The following EPHB2 variants were observed in gnomAD, a reference collection of about 807,000 sequenced individuals.
EPHB2 encodes ephrin type-B receptor 2.
EPHB2 carries 18 observed loss-of-function variants against 96.4 expected under a neutral mutation model. The observed-to-expected ratio is 0.19, with a 90% CI of 0.13 to 0.28. The LOEUF is 0.28. Ranked by LOEUF, EPHB2 falls within the 10% of genes least tolerant of loss-of-function variation. EPHB2 has a pLI of 1.00. For missense variants in EPHB2, 989 were observed against 1,355.4 expected (o/e 0.73, Z 4.25); for synonymous variants, 506 against 534.1 (o/e 0.95, Z 0.72).
chr1:22,844,194 C>G (rs1645508641), intron 3 of EPHB2, among the ~76,000 whole-genome samples: 3 of 152,222 alleles, frequency 2.0e-5, no homozygotes. Context: ...AATGGTACAT[C>G]TGTTTTAAGC....
In EPHB2 at chr1:22,906,877, G is replaced by A; in HGVS notation, c.2056G>A (p.Glu686Lys). The change falls in exon 11 of 16, where the codon GAG becomes AAG. Residue 686 changes from glutamate to lysine, a missense_variant. Coordinates refer to ENST00000374630, the MANE Select transcript of EPHB2 (RefSeq NM_017449.5). The surrounding 1 kb of genome is among the most constrained non-coding windows in gnomAD (Gnocchi z 4.8). ...QFDHPNVIHLEGVVTKSTPVM... is the reference protein window; with the variant it reads ...QFDHPNVIHLKGVVTKSTPVM... ...CGACCATCCCAACGTCATCCACCTG[G>A]AGGGTGTCGTGACCAAGAGCACACC... is the stretch of plus-strand genomic sequence containing the variant. 6.2e-7 allele frequency: 1 copy of A among 1,614,224 alleles called. No homozygotes were observed. Among genetic ancestry groups the A allele is most frequent in the Non-Finnish European group, 8.5e-7 (1 of 1,180,042 alleles).
intron 1 of EPHB2, among the ~76,000 whole-genome samples, chr1:22,740,030 G>T (rs1235760557): frequency 6.6e-6 from 1 of 152,208 alleles, no homozygotes; most frequent in Non-Finnish European, 1.5e-5. Context: ...GAGGCAGGGA[G>T]GCCTGGTGAG....
chr1:22,884,446 C>A (rs1024096453), intron 6 of EPHB2, among the ~76,000 whole-genome samples: 1 of 151,978 alleles, frequency 6.6e-6, no homozygotes, highest in East Asian at 1.9e-4. Context: ...ATGGTGAAAC[C>A]CCATCTCTAC....
rs1371642630 is a variant in EPHB2, at chr1:22,875,662, C to T, written c.1304-6697C>T. Among the ~76,000 whole-genome samples the T allele has an allele frequency of 6.6e-6, 1 of 152,152 alleles. No individual in the cohort carries two copies. Among genetic ancestry groups the T allele is most frequent in the Non-Finnish European group, 1.5e-5 (1 of 68,026 alleles). On this transcript the variant is annotated intron_variant, in intron 5 of 15. Transcript: ENST00000374630. This position sits in a 1 kb window ranked among gnomAD's most constrained non-coding sequence, Gnocchi z 4.2. Reference sequence around the variant, plus strand: ...TCCCTTCCTTCCTCCTTCCTGTCTTCGTTTCTTCCTCCAGTAAATATTGGT... The same window carrying T: ...TCCCTTCCTTCCTCCTTCCTGTCTTTGTTTCTTCCTCCAGTAAATATTGGT...
At chr1:22,772,170 G>A (rs1644387872) in intron 1 of EPHB2, among the ~76,000 whole-genome samples, 1 of 152,112 alleles carries the variant, frequency 6.6e-6, no homozygotes, top group Non-Finnish European at 1.5e-5. Flanking sequence ...CAAAGCCCTG[G>A]CTGCACAATG....
chr1:22,919,293 A>C lies in EPHB2; in HGVS notation c.*5723A>C, dbSNP rs1320131882. ...AGACGCAGATTAGGACCCATGAAGT[A>C]GGGGGTAGAGCTGACCCTCAGGAAT... On this transcript the variant is annotated 3_prime_UTR_variant, in exon 16 of 16. Coordinates refer to ENST00000374630, the MANE Select transcript of EPHB2 (RefSeq NM_017449.5). 1 of 152,304 alleles carries C rather than the reference A, an allele frequency of 6.6e-6. No individual in the cohort carries two copies. The highest frequency in any genetic ancestry group is 1.5e-5 in the Non-Finnish European group (1 of 68,092). 9.4% of individuals were successfully genotyped at this position (152,304 alleles called of 1,614,324 possible). A position where few individuals can be genotyped will look rare whatever the true frequency, so the allele number is the denominator to read the frequency against.
chr1:22,811,756 T>C (rs1440031488), intron 3 of EPHB2, among the ~76,000 whole-genome samples: 1 of 152,182 alleles, frequency 6.6e-6, no homozygotes, highest in Non-Finnish European at 1.5e-5. Context: ...CCCAGCCCCT[T>C]GGCCGGGGGC....
intron 1 of EPHB2, among the ~76,000 whole-genome samples, chr1:22,752,515 TAATAA>T (rs958861988): frequency 1.7e-4 from 25 of 149,688 alleles, no homozygotes; most frequent in African/African-American, 6.1e-4. Flanking sequence ...AATAATAAAA[TAATAA>T]AATAAAATAA....
intron 1 of EPHB2, among the ~76,000 whole-genome samples, chr1:22,747,916 A>G (rs973355201): frequency 6.6e-6 from 1 of 152,228 alleles, no homozygotes; most frequent in Non-Finnish European, 1.5e-5. Flanking sequence ...TACTTCATTC[A>G]GCACCTGAAG....
At chr1:22,814,516 C>T (rs950509151) in intron 3 of EPHB2, among the ~76,000 whole-genome samples, 9 of 152,190 alleles carry the variant, frequency 5.9e-5, no homozygotes, top group African/African-American at 2.2e-4. Flanking sequence ...AGCACCTACT[C>T]TGTACCACGC....
At chr1:22,882,299 G>A in intron 5 of EPHB2, 60 bp from the exon 6 acceptor site, 1 of 1,605,086 alleles carries the variant, frequency 6.2e-7, no homozygotes, top group Non-Finnish European at 8.5e-7. Flanking sequence ...CTCTGAGGGT[G>A]GGCCAGAAGC....
chr1:22,771,732 A>G (rs1644382028), intron 1 of EPHB2, among the ~76,000 whole-genome samples: 1 of 152,204 alleles, frequency 6.6e-6, no homozygotes. Context: ...CAGTAATGCC[A>G]GCTGCCATGA....
At chr1:22,877,467 G>GT (rs1184330319) in intron 5 of EPHB2, among the ~76,000 whole-genome samples, 1 of 152,150 alleles carries the variant, frequency 6.6e-6, no homozygotes, top group Non-Finnish European at 1.5e-5. Context: ...TGAGGAGCAG[G>GT]TTGCCACCCC....
chr1:22,892,498 T>C (rs528928564), intron 6 of EPHB2, among the ~76,000 whole-genome samples: 1 of 152,280 alleles, frequency 6.6e-6, no homozygotes, highest in Non-Finnish European at 1.5e-5. Context: ...CATGGTCTCC[T>C]CCTGTTTCTC....
At chr1:22,799,075 T>C (rs74414073) in intron 3 of EPHB2, among the ~76,000 whole-genome samples, 4,081 of 152,240 alleles carry the variant, frequency 0.027, 66 homozygotes, top group Non-Finnish European at 0.039. Context: ...ATTGATTGAA[T>C]AGTGCAGGAG....
chr1:22,801,189 G>A (rs571457076), intron 3 of EPHB2, among the ~76,000 whole-genome samples: 1 of 152,324 alleles, frequency 6.6e-6, no homozygotes, highest in Admixed American at 6.5e-5. Context: ...GATGTGAGTG[G>A]TGAAGCCCCT....
Position 22,913,430 on chromosome 1 carries a change from A to G in EPHB2, c.2853-32A>G, listed in dbSNP as rs1640173427. On this transcript the variant is annotated intron_variant, in intron 15 of 15. Transcript: ENST00000374630. The surrounding 1 kb of genome is among the most constrained non-coding windows in gnomAD (Gnocchi z 4.1). ...AGGCACAGGACCCCTTCACCCGCAT[A>G]TTTCCCTAACACACGTGCTTCTCTC... The G allele has an allele frequency of 5.0e-6, 8 of 1,612,828 alleles. No individual in the cohort carries two copies. In the East Asian group the frequency reaches 1.1e-4, roughly 22 times the overall value.
At chr1:22,736,705 G>C (rs1043798108) in intron 1 of EPHB2, among the ~76,000 whole-genome samples, 4 of 152,210 alleles carry the variant, frequency 2.6e-5, no homozygotes, top group African/African-American at 9.6e-5. Flanking sequence ...TGTGGATAAA[G>C]GCGCTGCCCA....
At chr1:22,869,954 G>A (rs1449977282) in intron 5 of EPHB2, among the ~76,000 whole-genome samples, 1 of 152,210 alleles carries the variant, frequency 6.6e-6, no homozygotes, top group Non-Finnish European at 1.5e-5. Flanking sequence ...AGAGGGGGCT[G>A]CACCACAGTG....
Sources: allele counts gnomAD v4.1 joint callset (sites outside exome capture counted in the v4.1 genomes callset), GRCh38; gene constraint gnomAD v4.1.1; non-coding constraint Gnocchi (gnomAD v3.1); transcripts MANE v1.5; gene names NCBI Gene and HGNC (gene_info 2026-07-23, HGNC 2026-07-21).